INPP5D: variants seen among roughly 807,000 people sequenced by gnomAD.
INPP5D encodes inositol polyphosphate-5-phosphatase D, also known as phosphatidylinositol 3,4,5-trisphosphate 5-phosphatase 1.
Under a neutral mutation model 122.9 loss-of-function variants are expected in INPP5D, and 33 were observed. That is an observed-to-expected ratio of 0.27 (90% CI 0.20 to 0.36). The LOEUF is 0.36. Among genes scored for constraint, INPP5D ranks in the 10% least tolerant of loss-of-function variants. The probability of loss-of-function intolerance (pLI) is 1.00; values close to 1 mark genes in which losing one functional copy is unlikely to be tolerated. For synonymous variants in INPP5D, 584 were observed against 576.2 expected, an observed-to-expected ratio of 1.01 and a Z score of -0.19; for missense variants, 1,053 against 1,412.7, an observed-to-expected ratio of 0.75 and a Z score of 4.08.
At chr2:233,155,758 G>C (rs944206679) in intron 9 of INPP5D, among the ~76,000 whole-genome samples, 11 of 152,132 alleles carry the variant, frequency 7.2e-5, no homozygotes, top group African/African-American at 2.7e-4. Context: ...ATTCAGGAAA[G>C]AGTCTCAGAA....
chr2:233,073,197 G>A (rs1397881604), intron 1 of INPP5D, among the ~76,000 whole-genome samples: 5 of 152,178 alleles, frequency 3.3e-5, no homozygotes, highest in Non-Finnish European at 5.9e-5. Context: ...CTGGGGGAGG[G>A]GAGGCAGGGA....
chr2:233,082,193 A>G lies in INPP5D; in HGVS notation c.198+2795A>G, dbSNP rs1234369836. On this transcript the variant is annotated intron_variant, in intron 2 of 26. Transcript: ENST00000445964. This position sits in a 1 kb window ranked among gnomAD's most constrained non-coding sequence, Gnocchi z 4.7. ...TTCCTTCAAGGTGAATTAAAGGGGAATTCTCATAGGATTCTCCCAGGTGGA... is the reference window on the plus strand; with the variant it reads ...TTCCTTCAAGGTGAATTAAAGGGGAGTTCTCATAGGATTCTCCCAGGTGGA... 6.6e-6 allele frequency among the ~76,000 whole-genome samples: 1 copy of G among 152,092 alleles called. No individual in the cohort carries two copies. The highest frequency in any genetic ancestry group is 2.4e-5 in the African/African-American group (1 of 41,424).
chr2:233,190,069 C>T, intron 22 of INPP5D, 132 bp downstream of exon 22: 3 of 1,386,698 alleles, frequency 2.2e-6, no homozygotes, highest in Non-Finnish European at 2.9e-6. Context: ...CCCAGGGCTG[C>T]TAGTGGGACC....
rs559263077 is a variant in INPP5D at position 233,198,232 on chromosome 2, A to G, written c.2831A>G (p.Tyr944Cys). ...SPDQQPTAWS[Y>C]DQPPKDSPLG... is the part of the protein sequence containing the mutation. Reference sequence around the variant, plus strand: ...GACCAGCAGCCCACAGCCTGGAGCTACGACCAGCCGCCCAAGGACTCCCCG... The same window carrying G: ...GACCAGCAGCCCACAGCCTGGAGCTGCGACCAGCCGCCCAAGGACTCCCCG... The change falls in exon 25 of 27, where the codon TAC becomes TGC. Residue 944 changes from tyrosine (Y) to cysteine (C), a missense_variant. By Grantham distance (194) the Tyr-to-Cys change is radical. Transcript: ENST00000445964. 2.8e-5 allele frequency: 45 copies of G among 1,613,616 alleles called. No individual in the cohort carries two copies. In the African/African-American group the frequency reaches 4.1e-4, roughly 15 times the overall value.
intron 18 of INPP5D, among the ~76,000 whole-genome samples, chr2:233,179,207 A>G (rs1290134978): frequency 2.0e-5 from 3 of 152,214 alleles, no homozygotes; most frequent in Admixed American, 6.5e-5. Context: ...AAAGTGCCTG[A>G]GTCCTACCCT....
intron 6 of INPP5D, among the ~76,000 whole-genome samples, chr2:233,144,095 A>T (rs1165779193): frequency 1.5e-5 from 2 of 134,618 alleles, no homozygotes; most frequent in African/African-American, 3.0e-5. Context: ...AGGTGTGGAG[A>T]TAGTGGTAGT....
chr2:233,138,902 C>G (rs1414043839), intron 5 of INPP5D, among the ~76,000 whole-genome samples: 1 of 149,562 alleles, frequency 6.7e-6, no homozygotes, highest in Admixed American at 6.7e-5. Flanking sequence ...CCCGCCACCA[C>G]ACCTGGCTAA....
rs1362541171 is a variant in INPP5D, at chr2:233,189,049, G to T, written c.2359-801G>T. ...GAGAAACAGCCCCACATCTGAAAAA[G>T]TCATAACTCGTGGCAGACGAGGAGC... On this transcript the variant is annotated intron_variant, in intron 21 of 26. Coordinates refer to ENST00000445964, the MANE Select transcript of INPP5D (RefSeq NM_001017915.3). This position sits in a 1 kb window ranked among gnomAD's most constrained non-coding sequence, Gnocchi z 5.6. 6.6e-6 allele frequency among the ~76,000 whole-genome samples: 1 copy of T among 152,202 alleles called. No homozygotes were observed. Among genetic ancestry groups the T allele is most frequent in the Non-Finnish European group, 1.5e-5 (1 of 68,040 alleles).
intron 18 of INPP5D, among the ~76,000 whole-genome samples, chr2:233,181,427 G>A (rs72972257): frequency 0.061 from 9,230 of 152,030 alleles, 351 homozygotes; most frequent in East Asian, 0.18. Context: ...TTCCATCCTC[G>A]TCTCTTCTCA....
At chr2:233,087,872 C>G (rs377483643) in intron 2 of INPP5D, among the ~76,000 whole-genome samples, 25 of 152,146 alleles carry the variant, frequency 1.6e-4, no homozygotes, top group African/African-American at 5.6e-4. Context: ...GCTTTTCATG[C>G]CTTGGTCAAC....
At chr2:233,201,160 A>C (rs1412894807) in intron 25 of INPP5D, among the ~76,000 whole-genome samples, 1 of 152,056 alleles carries the variant, frequency 6.6e-6, no homozygotes, top group Non-Finnish European at 1.5e-5. Flanking sequence ...GAGGGAGGAG[A>C]AACAGCCTCA....
chr2:233,104,060 G>A (rs1173143501), intron 2 of INPP5D, among the ~76,000 whole-genome samples: 18 of 143,694 alleles, frequency 1.3e-4, no homozygotes, highest in Admixed American at 6.4e-4. Flanking sequence ...GCCCAGGCTG[G>A]AGTGTAGTGG....
intron 20 of INPP5D, 129 bp from the exon 21 acceptor site, chr2:233,185,714 T>TG (rs1553593863): frequency 1.8e-6 from 1 of 560,806 alleles, no homozygotes; most frequent in Non-Finnish European, 2.3e-6. Context: ...GGCCCCGAGA[T>TG]AAAAAAAAAA....
chr2:233,088,300 C>T (rs1691904679), intron 2 of INPP5D, among the ~76,000 whole-genome samples: 2 of 152,154 alleles, frequency 1.3e-5, no homozygotes, highest in Admixed American at 6.5e-5. Context: ...TGCAAGCCTG[C>T]CTTGCCTGGC....
rs550648645 is a variant in INPP5D, at chr2:233,170,632, G to T, written c.1900+28G>T. 4.3e-5 allele frequency: 70 copies of T among 1,609,250 alleles called. 1 individual carries two copies. In the Middle Eastern group the frequency reaches 9.3e-4, roughly 21 times the overall value. On this transcript the variant is annotated intron_variant, in intron 16 of 26. Transcript: ENST00000445964. The surrounding 1 kb of genome is among the most constrained non-coding windows in gnomAD (Gnocchi z 4.5). ...AAGAGCAGCAACCCCGGCTGGGAGCGGTGGCTCACACCTGTAATCCCAGCA... is the reference window on the plus strand; with the variant it reads ...AAGAGCAGCAACCCCGGCTGGGAGCTGTGGCTCACACCTGTAATCCCAGCA...
At chr2:233,186,572 C>G (rs963261987) in intron 21 of INPP5D, among the ~76,000 whole-genome samples, 1 of 151,128 alleles carries the variant, frequency 6.6e-6, no homozygotes, top group African/African-American at 2.4e-5. Context: ...GAAGCCAAGG[C>G]AGGGGGATTG....
At chr2:233,099,616 T>A (rs2106231892) in intron 2 of INPP5D, among the ~76,000 whole-genome samples, 2 of 152,364 alleles carry the variant, frequency 1.3e-5, no homozygotes, top group South Asian at 4.1e-4. Context: ...GTGGCCCCTA[T>A]GTTGGATTTA....
intron 2 of INPP5D, among the ~76,000 whole-genome samples, chr2:233,086,058 G>T (rs1255143105): frequency 6.6e-6 from 1 of 152,184 alleles, no homozygotes; most frequent in Non-Finnish European, 1.5e-5. Context: ...GAAGAGAAGG[G>T]CTTTGTGGGC....
chr2:233,153,711 A>G (rs1055117275), intron 9 of INPP5D, among the ~76,000 whole-genome samples: 2 of 152,194 alleles, frequency 1.3e-5, no homozygotes, highest in Non-Finnish European at 2.9e-5. Flanking sequence ...CCATGTAGCC[A>G]GTGGCTCCTC....
Sources: gnomAD v4.1 joint callset for allele counts (sites outside exome capture counted in the v4.1 genomes callset) on GRCh38, gnomAD v4.1.1 for gene constraint, Gnocchi (gnomAD v3.1) non-coding constraint, MANE v1.5 for transcripts, NCBI Gene and HGNC (gene_info 2026-07-23, HGNC 2026-07-21) for gene names.